The following DNER variants were observed in gnomAD, a reference collection of about 807,000 sequenced individuals.
DNER encodes delta and Notch-like epidermal growth factor-related receptor.
A neutral mutation model predicts 78.2 loss-of-function variants in DNER; 33 were observed. That is an observed-to-expected ratio of 0.42 (90% CI 0.32 to 0.56). The LOEUF is 0.56. Among genes scored for constraint, DNER ranks in the 20% least tolerant of loss-of-function variants. The pLI, the probability that DNER is intolerant of heterozygous loss-of-function variation, is 0.11. For synonymous variants in DNER, 417 were observed against 384.8 expected (o/e 1.08, Z -0.98); for missense variants, 918 against 975.3 (o/e 0.94, Z 0.78).
chr2:229,467,976 G>A (rs889300728), intron 7 of DNER, among the ~76,000 whole-genome samples: 3 of 152,324 alleles, frequency 2.0e-5, no homozygotes, highest in Middle Eastern at 3.4e-3. Flanking sequence ...TCACATGGCC[G>A]GCTGCCACAG....
intron 1 of DNER, among the ~76,000 whole-genome samples, chr2:229,627,404 A>C (rs72993214): frequency 0.021 from 3,156 of 152,360 alleles, 43 homozygotes; most frequent in Middle Eastern, 0.034. Flanking sequence ...AACAGATTTC[A>C]ATTAATAAAG....
At chr2:229,711,846 C>T (rs13418844) in intron 1 of DNER, among the ~76,000 whole-genome samples, 2,402 of 152,200 alleles carry the variant, frequency 0.016, 59 homozygotes, top group African/African-American at 0.055. Context: ...CTCCCTCTCT[C>T]CCCTCCCCTC....
At chr2:229,668,538 A>ATG (rs1699147010) in intron 1 of DNER, among the ~76,000 whole-genome samples, 1 of 2,612 alleles carries the variant, frequency 3.8e-4, no homozygotes, top group African/African-American at 5.8e-4. Flanking sequence ...GTGTGTGTGT[A>ATG]TATATATATA....
chr2:229,690,775 A>G (rs1319917820), intron 1 of DNER, among the ~76,000 whole-genome samples: 2 of 152,256 alleles, frequency 1.3e-5, no homozygotes, highest in Non-Finnish European at 2.9e-5. Flanking sequence ...AAGGAGGTAG[A>G]AAGTGACAAA....
intron 9 of DNER, among the ~76,000 whole-genome samples, chr2:229,408,712 C>T (rs112478912): frequency 2.1e-3 from 313 of 152,190 alleles, no homozygotes; most frequent in African/African-American, 7.1e-3. Context: ...AAGAATAGGG[C>T]TCAGGAAGGA....
chr2:229,631,003 T>C (rs1698425577), intron 1 of DNER, among the ~76,000 whole-genome samples: 1 of 152,194 alleles, frequency 6.6e-6, no homozygotes, highest in South Asian at 2.1e-4. Flanking sequence ...TATTCCATGG[T>C]GTATGTGTAC....
At chr2:229,628,513 C>T (rs924652414) in intron 1 of DNER, among the ~76,000 whole-genome samples, 3 of 152,156 alleles carry the variant, frequency 2.0e-5, no homozygotes, top group African/African-American at 7.2e-5. Flanking sequence ...TGATTTTGAA[C>T]GACTGGGCCT....
At chr2:229,667,933 T>C (rs1314912346) in intron 1 of DNER, among the ~76,000 whole-genome samples, 1 of 152,210 alleles carries the variant, frequency 6.6e-6, no homozygotes, top group Non-Finnish European at 1.5e-5. Context: ...AATTTGGCCA[T>C]GGAGGGACTC....
In DNER at chr2:229,455,280, G is replaced by A. The variant is rs780613916; in HGVS notation, c.1262-7740C>T. On this transcript the variant is annotated intron_variant, in intron 7 of 12. Transcript: ENST00000341772. ...CCAAAGTTTGAATCTTCTTACTACCGTGTGACCTCAGGCTTAATCATTTTT... is the reference window on the plus strand; with the variant it reads ...CCAAAGTTTGAATCTTCTTACTACCATGTGACCTCAGGCTTAATCATTTTT... 1.5e-4 allele frequency among the ~76,000 whole-genome samples: 23 copies of A among 152,054 alleles called. 1 individual carries two copies. The highest frequency in any genetic ancestry group is 2.8e-4 in the Non-Finnish European group (19 of 68,020).
At position 229,591,995 on chromosome 2, in the gene DNER, G is replaced by A. The variant is rs1323568683; in HGVS notation, c.277-107C>T. On this transcript the variant is annotated intron_variant, in intron 1 of 12. Coordinates refer to ENST00000341772, the MANE Select transcript of DNER (RefSeq NM_139072.4). This position sits in a 1 kb window ranked among gnomAD's most constrained non-coding sequence, Gnocchi z 4.6. ...GAGCGACTGCTGTAATGGAAATGCT[G>A]TTCCTGTGGAATACACTCCTTAACT... 2 of 1,368,986 alleles carry A rather than the reference G, an allele frequency of 1.5e-6. No individual in the cohort carries two copies. Among genetic ancestry groups the A allele is most frequent in the African/African-American group, 1.5e-5 (1 of 68,236 alleles). 84.8% of individuals were successfully genotyped at this position (1,368,986 alleles called of 1,614,324 possible). A position where few individuals can be genotyped will look rare whatever the true frequency, so the allele number is the denominator to read the frequency against.
At chr2:229,551,434 G>A (rs368488565) in intron 4 of DNER, among the ~76,000 whole-genome samples, 23 of 152,152 alleles carry the variant, frequency 1.5e-4, no homozygotes, top group African/African-American at 5.3e-4. Context: ...AGGATTTCAA[G>A]ACCAGCCTGG....
chr2:229,363,942 C>T (rs1223555826), intron 12 of DNER, among the ~76,000 whole-genome samples: 1 of 139,750 alleles, frequency 7.2e-6, no homozygotes, highest in Non-Finnish European at 1.5e-5. Context: ...ATGATGAGGA[C>T]AGAAAAGGTT....
At chr2:229,711,155 G>T (rs551680483) in intron 1 of DNER, among the ~76,000 whole-genome samples, 18 of 152,156 alleles carry the variant, frequency 1.2e-4, no homozygotes, top group African/African-American at 4.1e-4. Context: ...TTGGGGTTGG[G>T]GCTGGAGTAG....
At chr2:229,619,150 T>TACAC (rs67363480) in intron 1 of DNER, among the ~76,000 whole-genome samples, 81 of 150,056 alleles carry the variant, frequency 5.4e-4, no homozygotes, top group African/African-American at 1.4e-3. Context: ...AAAAAATTTA[T>TACAC]ACACACACAC....
chr2:229,634,254 T>TTTCC (rs200415124), intron 1 of DNER, among the ~76,000 whole-genome samples: 87 of 152,210 alleles, frequency 5.7e-4, no homozygotes, highest in South Asian at 2.3e-3. Flanking sequence ...TTTTTCCTTC[T>TTTCC]TTCCTTCCTT....
chr2:229,577,852 T>A (rs1432956349), intron 4 of DNER, among the ~76,000 whole-genome samples: 1 of 152,144 alleles, frequency 6.6e-6, no homozygotes, highest in Non-Finnish European at 1.5e-5. Context: ...GAAACAAAGA[T>A]CCTTAAAAAT....
At chr2:229,655,611 G>A (rs1698899606) in intron 1 of DNER, among the ~76,000 whole-genome samples, 2 of 152,132 alleles carry the variant, frequency 1.3e-5, no homozygotes. Context: ...AAGAAACTAA[G>A]AGATGTATTA....
intron 7 of DNER, among the ~76,000 whole-genome samples, chr2:229,474,960 C>T (rs1559361593): frequency 6.6e-6 from 1 of 152,234 alleles, no homozygotes; most frequent in African/African-American, 2.4e-5. Context: ...ACTCTTGTCT[C>T]TCTCTATGTT....
intron 1 of DNER, among the ~76,000 whole-genome samples, chr2:229,647,718 C>T (rs553862280): frequency 3.9e-5 from 6 of 152,266 alleles, no homozygotes; most frequent in South Asian, 2.1e-4. Flanking sequence ...ATCTGGATGA[C>T]GAACTGTCAG....
Sources: gnomAD v4.1 joint callset for allele counts (sites outside exome capture counted in the v4.1 genomes callset) on GRCh38, gnomAD v4.1.1 for gene constraint, Gnocchi (gnomAD v3.1) non-coding constraint, MANE v1.5 for transcripts, NCBI Gene and HGNC (gene_info 2026-07-23, HGNC 2026-07-21) for gene names.